TUBGCP6: variants seen among roughly 807,000 people sequenced by gnomAD.
TUBGCP6 encodes tubulin gamma complex component 6, also known as gamma-tubulin complex component 6.
TUBGCP6 carries 161 observed loss-of-function variants against 175.8 expected under a neutral mutation model. The observed-to-expected ratio is 0.92, with a 90% CI of 0.81 to 1.04. The LOEUF (loss-of-function observed/expected upper bound fraction) is 1.04. Among genes scored for constraint, TUBGCP6 ranks in the 50% least tolerant of loss-of-function variants. The probability of loss-of-function intolerance (pLI) is 0.00; values close to 1 mark genes in which losing one functional copy is unlikely to be tolerated. For missense variants in TUBGCP6, 2,572 were observed against 2,433.0 expected (o/e 1.06, Z -1.20); for synonymous variants, 1,173 against 1,030.5 (o/e 1.14, Z -2.65).
chr22:50,237,729 C>T (rs377461187), intron 2 of TUBGCP6, among the ~76,000 whole-genome samples: 1 of 152,182 alleles, frequency 6.6e-6, no homozygotes, highest in African/African-American at 2.4e-5. Context: ...GCGGGAGCTC[C>T]GCAGTCTCCA....
Position 50,220,628 on chromosome 22 carries a change from T to A in TUBGCP6, c.3731A>T (p.His1244Leu). 3.7e-6 allele frequency: 6 copies of A among 1,610,386 alleles called. No individual in the cohort carries two copies. The highest frequency in any genetic ancestry group is 5.1e-6 in the Non-Finnish European group (6 of 1,179,634). The change falls in exon 16 of 25, where the codon CAC (histidine) becomes CTC (leucine). Residue 1244 changes from histidine (H) to leucine (L), a missense_variant. Transcript: ENST00000248846. ...PIRSRCNTHG[H>L]VSDASISLGE... ...CAAGCTGATGCTGGCGTCGGACACG[T>A]GTCCATGGGTGTTGCACCGTGACCG...
At chr22:50,223,962 G>A in intron 13 of TUBGCP6, 179 bp downstream of exon 13, 2 of 615,480 alleles carry the variant, frequency 3.2e-6, no homozygotes, top group South Asian at 1.9e-5. Context: ...GAACAGCTAA[G>A]GATGCCTGGA....
At chr22:50,227,105 G>A (rs2064623692) in intron 5 of TUBGCP6, 28 bp from the exon 6 acceptor site, 1 of 1,593,446 alleles carries the variant, frequency 6.3e-7, no homozygotes, top group Non-Finnish European at 8.6e-7. Flanking sequence ...ATGAGACCAG[G>A]TGACCGGGCT....
intron 4 of TUBGCP6, among the ~76,000 whole-genome samples, chr22:50,228,970 C>T (rs1488238919): frequency 6.6e-6 from 1 of 152,192 alleles, no homozygotes; most frequent in Non-Finnish European, 1.5e-5. Flanking sequence ...CATGAGCCAG[C>T]TTCAAGACTC....
chr22:50,224,112 C>A (rs753799638), intron 13 of TUBGCP6, 29 bp downstream of exon 13: 1 of 1,605,348 alleles, frequency 6.2e-7, no homozygotes, highest in Non-Finnish European at 8.5e-7. Context: ...CGCACTGCAC[C>A]CCTGGGCCTG....
intron 2 of TUBGCP6, among the ~76,000 whole-genome samples, chr22:50,239,387 G>A (rs1267106658): frequency 2.0e-5 from 3 of 152,136 alleles, no homozygotes; most frequent in Non-Finnish European, 4.4e-5. Flanking sequence ...ATGTTGCCCA[G>A]GCCAGTCTCA....
intron 10 of TUBGCP6, among the ~76,000 whole-genome samples, chr22:50,225,255 T>C (rs1052324031): frequency 6.6e-6 from 1 of 151,936 alleles, no homozygotes; most frequent in African/African-American, 2.4e-5. Flanking sequence ...TGCCCAAGTA[T>C]CCCTGCTGCC....
rs772016996 is a variant in TUBGCP6 at position 50,222,441 on chromosome 22, G to C, written c.2409+13C>G. On this transcript the variant is annotated intron_variant, in intron 14 of 24. Transcript: ENST00000248846. ...CCCAGGGGAAGAGCTGCCATCTGAA[G>C]CCGCAGACATACCTGAATGTGTTTC... 1 of 1,613,270 alleles carries C rather than the reference G, an allele frequency of 6.2e-7. No individual in the cohort carries two copies. Among genetic ancestry groups the C allele is most frequent in the Admixed American group, 1.7e-5 (1 of 60,016 alleles).
In TUBGCP6 at chr22:50,218,730, C is replaced by T. The variant is rs368868828; in HGVS notation, c.4794G>A (p.Val1598=). Residue 1598 remains valine, a synonymous_variant, in exon 21 of 25, where the codon GTG becomes GTA. Transcript: ENST00000248846. The part of the protein sequence containing the change: ...PEVFAPNAPD[V]LSCLELRYKV... ...TGTACCTGAGCTCCAGGCAGCTCAG[C>T]ACATCCGGGGCGTTGGGGGCAAACA... The T allele has an allele frequency of 1.4e-5, 23 of 1,613,796 alleles. No homozygotes were observed. The highest frequency in any genetic ancestry group is 5.3e-5 in the African/African-American group (4 of 74,918).
chr22:50,218,652 A>ACAGG (rs770082911), intron 21 of TUBGCP6, 32 bp from the exon 22 acceptor site: 4 of 1,613,532 alleles, frequency 2.5e-6, no homozygotes, highest in African/African-American at 1.3e-5. Context: ...CAGGCATCCC[A>ACAGG]CAGGCAGGCA....
At chr22:50,241,859 C>T (rs570975963) in intron 1 of TUBGCP6, among the ~76,000 whole-genome samples, 13 of 152,138 alleles carry the variant, frequency 8.5e-5, no homozygotes, top group Admixed American at 1.3e-4. Context: ...AGTGATCCCC[C>T]GGGCCCAGCT....
rs907614304 is a variant in TUBGCP6 at position 50,217,824 on chromosome 22, A to G, written c.5372T>C (p.Val1791Ala). The G allele has an allele frequency of 5.0e-6, 8 of 1,613,492 alleles. No homozygotes were observed. The highest frequency in any genetic ancestry group is 5.1e-6 in the Non-Finnish European group (6 of 1,179,846). Residue 1791 changes from valine to alanine, a missense_variant, in exon 25 of 25, where the codon GTG (valine) becomes GCG (alanine). Transcript: ENST00000248846. ...KYYSHFLFKV[V>A]TKLVNRGYQP... ...GTAGCCGCGGTTCACCAGCTTGGTC[A>G]CCACTGGGGACCAGCGAGCAGCTCA...
intron 1 of TUBGCP6, among the ~76,000 whole-genome samples, chr22:50,243,222 G>C (rs1469026832): frequency 2.0e-5 from 3 of 152,192 alleles, no homozygotes; most frequent in Non-Finnish European, 2.9e-5. Flanking sequence ...GGCCGAGGCA[G>C]GCGGATCAAG....
chr22:50,244,570 G>A lies in TUBGCP6; in HGVS notation c.-111C>T. On this transcript the variant is annotated 5_prime_UTR_variant, in exon 1 of 25. Coordinates refer to ENST00000248846, the MANE Select transcript of TUBGCP6 (RefSeq NM_020461.4). ...AGGGTCCGAAGAGGCTGAATGACAGGCGGCCTCTCCAATGCCGAAGCTCAG... is the reference window on the plus strand; with the variant it reads ...AGGGTCCGAAGAGGCTGAATGACAGACGGCCTCTCCAATGCCGAAGCTCAG... 5 of 1,434,882 alleles carry A rather than the reference G, an allele frequency of 3.5e-6. No homozygotes were observed. The highest frequency in any genetic ancestry group is 4.6e-6 in the Non-Finnish European group (5 of 1,096,074). 88.9% of individuals were successfully genotyped at this position (1,434,882 alleles called of 1,614,324 possible). A position where few individuals can be genotyped will look rare whatever the true frequency, so the allele number is the denominator to read the frequency against.
Position 50,224,136 on chromosome 22 carries a change from C to T in TUBGCP6, c.2270+5G>A. 1 of 1,612,402 alleles carries T rather than the reference C, an allele frequency of 6.2e-7. No individual in the cohort carries two copies. Among genetic ancestry groups the T allele is most frequent in the Non-Finnish European group, 8.5e-7 (1 of 1,179,922 alleles). ...CCCCTGGGCCTGGAGCCCGGGCTGC[C>T]CTACCTCGCCTTCCTCTCCAGCTCC... On this transcript the variant is annotated splice_donor_5th_base_variant and intron_variant, in intron 13 of 24. Coordinates refer to ENST00000248846, the MANE Select transcript of TUBGCP6 (RefSeq NM_020461.4).
chr22:50,219,355 G>A lies in TUBGCP6; in HGVS notation c.4417C>T (p.Gln1473Ter). 9 of 1,591,736 alleles carry A rather than the reference G, an allele frequency of 5.7e-6. No individual in the cohort carries two copies. Among genetic ancestry groups the A allele is most frequent in the Non-Finnish European group, 7.7e-6 (9 of 1,170,464 alleles). ...VQSAADETAVQLSELLTLPVL... is the reference protein window; with the variant it reads ...VQSAADETAV ...GGCAGCGTCAGCAACTCGCTCAGCTGCACAGCAGTCTCATCAGCGGCAGAC... is the reference window on the plus strand; with the variant it reads ...GGCAGCGTCAGCAACTCGCTCAGCTACACAGCAGTCTCATCAGCGGCAGAC... Residue 1473 changes from glutamine (Q) to a stop codon, truncating the protein, a stop_gained, in exon 19 of 25, where the codon CAG (glutamine) becomes TAG (stop). Transcript: ENST00000248846. LOFTEE classifies it high-confidence loss of function.
rs1205696056 is a variant in TUBGCP6, at chr22:50,244,379, A to G, written c.81T>C (p.Ser27=). Reference sequence around the variant, plus strand: ...TCCGCTTTGCCCTCTTCCGGTTCACACTGCGCTGGCCCAGGTGAGTCTTGG... The same window carrying G: ...TCCGCTTTGCCCTCTTCCGGTTCACGCTGCGCTGGCCCAGGTGAGTCTTGG... The part of the protein sequence containing the change: ...PAAKTHLGQR[S]VNRKRAKRSL... Residue 27 remains serine (S), a synonymous_variant, in exon 1 of 25, where the codon AGT becomes AGC. Transcript: ENST00000248846. 12 of 1,613,226 alleles carry G rather than the reference A, an allele frequency of 7.4e-6. No homozygotes were observed. The highest frequency in any genetic ancestry group is 1.3e-5 in the African/African-American group (1 of 74,938).
chr22:50,238,491 T>C (rs575320053), intron 2 of TUBGCP6, among the ~76,000 whole-genome samples: 1 of 150,408 alleles, frequency 6.6e-6, no homozygotes, highest in East Asian at 1.9e-4. Context: ...AAAATACTAT[T>C]AGCAGACATG....
At chr22:50,242,552 T>C (rs1242143321) in intron 1 of TUBGCP6, among the ~76,000 whole-genome samples, 2 of 152,338 alleles carry the variant, frequency 1.3e-5, no homozygotes, top group Admixed American at 1.3e-4. Flanking sequence ...ATTATGTATG[T>C]TTCTAAATCA....
Sources: gnomAD v4.1 joint callset for allele counts (sites outside exome capture counted in the v4.1 genomes callset) on GRCh38, gnomAD v4.1.1 for gene constraint, MANE v1.5 for transcripts, NCBI Gene and HGNC (gene_info 2026-07-23, HGNC 2026-07-21) for gene names.